The following KIRREL3 variants were observed in gnomAD, a reference collection of about 807,000 sequenced individuals.
KIRREL3 encodes the protein kirre like nephrin family adhesion molecule 3, also known as kin of IRRE-like protein 3.
In KIRREL3, 36 loss-of-function variants were observed where a neutral mutation model predicts 89.7. That is an observed-to-expected ratio of 0.40 (90% CI 0.31 to 0.53). KIRREL3 has a LOEUF of 0.53. Among genes scored for constraint, KIRREL3 ranks in the 20% least tolerant of loss-of-function variants. The pLI, the probability that KIRREL3 is intolerant of heterozygous loss-of-function variation, is 0.49. For synonymous variants in KIRREL3, 445 were observed against 441.4 expected (o/e 1.01, Z -0.10); for missense variants, 864 against 1,056.6 (o/e 0.82, Z 2.53).
rs1195669600 is a variant in KIRREL3, at chr11:126,843,824, T to A, written c.55+156631A>T. On this transcript the variant is annotated intron_variant, in intron 1 of 16. Coordinates refer to ENST00000525144, the MANE Select transcript of KIRREL3 (RefSeq NM_032531.4). This position sits in a 1 kb window ranked among gnomAD's most constrained non-coding sequence, Gnocchi z 4.6. ...AATGACCTCTGGTCATCCTCACTGC[T>A]ACACTCCCACCCGTGCCATGACAGT... Among the ~76,000 whole-genome samples, 1 of 152,100 alleles carries A rather than the reference T, an allele frequency of 6.6e-6. No individual in the cohort carries two copies. Among genetic ancestry groups the A allele is most frequent in the Non-Finnish European group, 1.5e-5 (1 of 68,010 alleles).
chr11:126,681,782 G>T, intron 1 of KIRREL3: 1 of 404,026 alleles, frequency 2.5e-6, no homozygotes, highest in Non-Finnish European at 5.0e-6. Context: ...TTCTGTTTCA[G>T]GGTTCTATGA....
At chr11:126,445,876 C>T (rs185615738) in intron 9 of KIRREL3, among the ~76,000 whole-genome samples, 9 of 152,244 alleles carry the variant, frequency 5.9e-5, no homozygotes, top group South Asian at 4.1e-4. Flanking sequence ...GGGCTGGACA[C>T]GGTGGCTCAC....
rs945929609 is a variant in KIRREL3, at chr11:126,773,296, C to T, written c.56-210384G>A. Among the ~76,000 whole-genome samples the T allele has an allele frequency of 2.6e-5, 4 of 152,150 alleles. No individual in the cohort carries two copies. Among genetic ancestry groups the T allele is most frequent in the Non-Finnish European group, 4.4e-5 (3 of 68,026 alleles). On this transcript the variant is annotated intron_variant, in intron 1 of 16. Transcript: ENST00000525144. The surrounding 1 kb of genome is among the most constrained non-coding windows in gnomAD (Gnocchi z 4.2). Reference sequence around the variant, plus strand: ...TGAGTGAAGTCAATACAGTGTGGGTCGGCTTTGTCCCATCAGTTCAGGGCC... The same window carrying T: ...TGAGTGAAGTCAATACAGTGTGGGTTGGCTTTGTCCCATCAGTTCAGGGCC...
At chr11:126,706,066 G>C (rs1947518117) in intron 1 of KIRREL3, among the ~76,000 whole-genome samples, 1 of 152,156 alleles carries the variant, frequency 6.6e-6, no homozygotes, top group South Asian at 2.1e-4. Context: ...GAACCACTAG[G>C]GCCTTCTAGC....
intron 1 of KIRREL3, among the ~76,000 whole-genome samples, chr11:126,630,320 A>G (rs1007112505): frequency 1.3e-5 from 2 of 152,212 alleles, no homozygotes; most frequent in Non-Finnish European, 2.9e-5. Context: ...TGCCATTCTC[A>G]TTTTATAGAC....
chr11:126,942,117 A>C (rs1284915342), intron 1 of KIRREL3, among the ~76,000 whole-genome samples: 1 of 152,146 alleles, frequency 6.6e-6, no homozygotes, highest in Admixed American at 6.5e-5. Context: ...TCCCAGCTCA[A>C]GTCTTCTGGA....
chr11:126,492,932 G>T lies in KIRREL3; in HGVS notation c.434-19466C>A, dbSNP rs113972094. ...GTGGAGGAATTAAGTTAGACATGCCGCAGAACTTCCTGGCCGTGGGCTGAG... is the reference window on the plus strand; with the variant it reads ...GTGGAGGAATTAAGTTAGACATGCCTCAGAACTTCCTGGCCGTGGGCTGAG... On this transcript the variant is annotated intron_variant, in intron 4 of 16. Coordinates refer to ENST00000525144, the MANE Select transcript of KIRREL3 (RefSeq NM_032531.4). The surrounding 1 kb of genome is among the most constrained non-coding windows in gnomAD (Gnocchi z 4.8). 2.0e-5 allele frequency among the ~76,000 whole-genome samples: 3 copies of T among 152,206 alleles called. No homozygotes were observed. The highest frequency in any genetic ancestry group is 4.8e-5 in the African/African-American group (2 of 41,464).
In KIRREL3 at chr11:126,722,406, A is replaced by ATTCCTGAT. The variant is rs1315546245; in HGVS notation, c.56-159502_56-159495dup. On this transcript the variant is annotated intron_variant, in intron 1 of 16. Coordinates refer to ENST00000525144, the MANE Select transcript of KIRREL3 (RefSeq NM_032531.4). ...CAACATTTCTTGTATGTATTTATTT[A>ATTCCTGAT]TTCCTGATTTATGTTTTCTGTTTAG... 9.2e-5 allele frequency among the ~76,000 whole-genome samples: 14 copies of ATTCCTGAT among 152,178 alleles called. 1 individual carries two copies. Among genetic ancestry groups the ATTCCTGAT allele is most frequent in the Admixed American group, 4.6e-4 (7 of 15,280 alleles).
chr11:126,600,668 A>C (rs1942611903), intron 1 of KIRREL3, among the ~76,000 whole-genome samples: 1 of 152,240 alleles, frequency 6.6e-6, no homozygotes. Flanking sequence ...AAATGGAAGA[A>C]AGACATAGCT....
At chr11:126,494,940 G>A (rs4937142) in intron 4 of KIRREL3, among the ~76,000 whole-genome samples, 69,255 of 152,138 alleles carry the variant, frequency 0.46, 16,304 homozygotes, top group East Asian at 0.79. Flanking sequence ...GAGGGATGCG[G>A]GTGGCGTGGG....
chr11:126,968,044 C>T (rs929220729), intron 1 of KIRREL3, among the ~76,000 whole-genome samples: 4 of 152,194 alleles, frequency 2.6e-5, no homozygotes, highest in African/African-American at 9.7e-5. Context: ...CCCAAAGAAA[C>T]TTCATAGACA....
intron 5 of KIRREL3, among the ~76,000 whole-genome samples, chr11:126,472,730 G>GAGAGAGAGAGAGAT (rs1956932714): frequency 6.6e-6 from 1 of 151,602 alleles, no homozygotes; most frequent in Non-Finnish European, 1.5e-5. Context: ...GAGAGAGAGA[G>GAGAGAGAGAGAGAT]AGCACAAGTC....
intron 1 of KIRREL3, among the ~76,000 whole-genome samples, chr11:126,848,492 C>T (rs1006959684): frequency 3.9e-5 from 6 of 152,130 alleles, no homozygotes; most frequent in African/African-American, 1.4e-4. Context: ...TAATCTCAGG[C>T]TGCTACTCAG....
intron 1 of KIRREL3, among the ~76,000 whole-genome samples, chr11:126,633,445 T>G (rs773380596): frequency 1.3e-5 from 2 of 152,190 alleles, no homozygotes; most frequent in African/African-American, 2.4e-5. Context: ...CTGTCATGAA[T>G]GGCTTGGTGT....
In KIRREL3 at chr11:126,940,705, G is replaced by A. The variant is rs1948411503; in HGVS notation, c.55+59750C>T. ...CCACACAGCTCATAATGCTTTAGAA[G>A]CCTCCAGCTAGAACACTGAGGAATG... On this transcript the variant is annotated intron_variant, in intron 1 of 16. Transcript: ENST00000525144. The surrounding 1 kb of genome is among the most constrained non-coding windows in gnomAD (Gnocchi z 4.6). The A allele has an allele frequency of 1.3e-5, 2 of 152,146 alleles. No homozygotes were observed. The highest frequency in any genetic ancestry group is 4.8e-5 in the African/African-American group (2 of 41,430). The allele number at this position is 152,146 out of a possible 1,614,324, so 9.4% of individuals were successfully genotyped here. A position where few individuals can be genotyped will look rare whatever the true frequency, so the allele number is the denominator to read the frequency against.
Position 126,708,340 on chromosome 11 carries a change from G to A in KIRREL3, c.56-145428C>T, listed in dbSNP as rs1947622092. Among the ~76,000 whole-genome samples the A allele has an allele frequency of 6.6e-6, 1 of 151,510 alleles. No homozygotes were observed. Among genetic ancestry groups the A allele is most frequent in the Non-Finnish European group, 1.5e-5 (1 of 67,910 alleles). On this transcript the variant is annotated intron_variant, in intron 1 of 16. Coordinates refer to ENST00000525144, the MANE Select transcript of KIRREL3 (RefSeq NM_032531.4). The surrounding 1 kb of genome is among the most constrained non-coding windows in gnomAD (Gnocchi z 5.7). ...GAATAACAATGTACTCCTCACCAAGGCATTTAGCCAGAAAAGTGCTCCTGC... is the reference window on the plus strand; with the variant it reads ...GAATAACAATGTACTCCTCACCAAGACATTTAGCCAGAAAAGTGCTCCTGC...
chr11:126,739,034 T>C lies in KIRREL3; in HGVS notation c.56-176122A>G, dbSNP rs1185768347. ...CACTACAACAATCTTGAAAGGCGGG[T>C]ATATATGATACAAACGGTACAAATG... On this transcript the variant is annotated intron_variant, in intron 1 of 16. Coordinates refer to ENST00000525144, the MANE Select transcript of KIRREL3 (RefSeq NM_032531.4). This position sits in a 1 kb window ranked among gnomAD's most constrained non-coding sequence, Gnocchi z 5.5. Among the ~76,000 whole-genome samples the C allele has an allele frequency of 6.6e-6, 1 of 152,220 alleles. No individual in the cohort carries two copies. Among genetic ancestry groups the C allele is most frequent in the Admixed American group, 6.5e-5 (1 of 15,282 alleles).
Position 126,955,750 on chromosome 11 carries a change from T to C in KIRREL3, c.55+44705A>G, listed in dbSNP as rs1213673548. ...TTTTAATGGGATCTAAAAACGAACA[T>C]GATGCTCGTCCTCAGAAAGCTTAGC... On this transcript the variant is annotated intron_variant, in intron 1 of 16. Transcript: ENST00000525144. The surrounding 1 kb of genome is among the most constrained non-coding windows in gnomAD (Gnocchi z 4.6). Among the ~76,000 whole-genome samples the C allele has an allele frequency of 2.6e-5, 4 of 152,180 alleles. No individual in the cohort carries two copies. Among genetic ancestry groups the C allele is most frequent in the African/African-American group, 7.2e-5 (3 of 41,440 alleles).
intron 1 of KIRREL3, among the ~76,000 whole-genome samples, chr11:126,939,149 T>C (rs1340994456): frequency 1.3e-5 from 2 of 152,132 alleles, no homozygotes; most frequent in Admixed American, 6.5e-5. Context: ...GCATGTTGGA[T>C]TGGACTTAGA....
Sources: gnomAD v4.1 joint callset for allele counts (sites outside exome capture counted in the v4.1 genomes callset) on GRCh38, gnomAD v4.1.1 for gene constraint, Gnocchi (gnomAD v3.1) non-coding constraint, MANE v1.5 for transcripts, NCBI Gene and HGNC (gene_info 2026-07-23, HGNC 2026-07-21) for gene names.